Variants in FBXL7 observed in about 807,000 individuals in gnomAD.
FBXL7 encodes the protein F-box and leucine rich repeat protein 7.
A neutral mutation model predicts 38.3 loss-of-function variants in FBXL7; 12 were observed. That is an observed-to-expected ratio of 0.31 (90% CI 0.20 to 0.51). The LOEUF is 0.51. FBXL7 is among the 20% of genes least tolerant of loss of function. The pLI, the probability that FBXL7 is intolerant of heterozygous loss-of-function variation, is 0.98. For missense variants in FBXL7, 567 were observed against 676.4 expected (o/e 0.84, Z 1.79); for synonymous variants, 297 against 300.9 (o/e 0.99, Z 0.13).
chr5:15,665,878 T>C (rs1390221497), intron 2 of FBXL7, among the ~76,000 whole-genome samples: 1 of 152,208 alleles, frequency 6.6e-6, no homozygotes, highest in Admixed American at 6.5e-5. Flanking sequence ...AGCAAAGTTT[T>C]ATATCATTTT....
intron 2 of FBXL7, among the ~76,000 whole-genome samples, chr5:15,648,004 T>C (rs1461474295): frequency 1.3e-5 from 2 of 152,216 alleles, no homozygotes; most frequent in Non-Finnish European, 2.9e-5. Flanking sequence ...AGAATGCCCG[T>C]GTCTAATGAC....
intron 2 of FBXL7, among the ~76,000 whole-genome samples, chr5:15,649,159 G>A (rs777571816): frequency 9.9e-5 from 15 of 152,030 alleles, no homozygotes; most frequent in Non-Finnish European, 1.8e-4. Context: ...ACCACACCCA[G>A]CTAACTTTTA....
intron 2 of FBXL7, among the ~76,000 whole-genome samples, chr5:15,914,581 TAC>T (rs1741532982): frequency 6.6e-6 from 1 of 152,154 alleles, no homozygotes; most frequent in East Asian, 1.9e-4. Context: ...TAAGTGTATG[TAC>T]TAGCTAAGCC....
chr5:15,620,399 A>ATTTT (rs1278504178), intron 2 of FBXL7, among the ~76,000 whole-genome samples: 7 of 133,414 alleles, frequency 5.2e-5, no homozygotes, highest in African/African-American at 2.1e-4. Flanking sequence ...CGCCCAGCTA[A>ATTTT]TTTTTTGTTT....
intron 2 of FBXL7, among the ~76,000 whole-genome samples, chr5:15,630,957 TTAAAAAA>T (rs1331879812): frequency 1.6e-4 from 24 of 152,286 alleles, no homozygotes; most frequent in African/African-American, 5.5e-4. Flanking sequence ...GAGGAGTAAA[TTAAAAAA>T]TTATTTCCAG....
At chr5:15,771,692 G>T (rs559439312) in intron 2 of FBXL7, among the ~76,000 whole-genome samples, 3 of 151,530 alleles carry the variant, frequency 2.0e-5, no homozygotes, top group Non-Finnish European at 2.9e-5. Context: ...AAAAATGTTT[G>T]CTACCTCTTT....
intron 1 of FBXL7, among the ~76,000 whole-genome samples, chr5:15,503,108 C>T (rs1052790955): frequency 6.6e-6 from 1 of 152,132 alleles, no homozygotes; most frequent in Admixed American, 6.5e-5. Context: ...GATTGAAAAC[C>T]TTAGGCTTAT....
At chr5:15,578,129 C>A (rs1293994277) in intron 1 of FBXL7, among the ~76,000 whole-genome samples, 2 of 152,246 alleles carry the variant, frequency 1.3e-5, no homozygotes, top group African/African-American at 2.4e-5. Context: ...CTGGCCATCA[C>A]CCATAACATA....
intron 2 of FBXL7, among the ~76,000 whole-genome samples, chr5:15,687,234 A>G (rs1336981273): frequency 6.6e-6 from 1 of 152,264 alleles, no homozygotes; most frequent in African/African-American, 2.4e-5. Context: ...ATCGTCAGAA[A>G]TCCACATGGC....
chr5:15,550,045 T>C lies in FBXL7; in HGVS notation c.37+49332T>C, dbSNP rs79471401. On this transcript the variant is annotated intron_variant, in intron 1 of 3. Coordinates refer to ENST00000504595, the MANE Select transcript of FBXL7 (RefSeq NM_012304.5). ...AACTTCTGTACAAAAAGGCTTTAGA[T>C]AGTATGTTGCTGAAGACCTCTTGTG... Among the ~76,000 whole-genome samples, 907 of 152,254 alleles carry C rather than the reference T, an allele frequency of 6.0e-3. 9 individuals carry two copies. Among genetic ancestry groups the C allele is most frequent in the African/African-American group, 0.02 (843 of 41,546 alleles).
At chr5:15,686,641 A>G (rs925116197) in intron 2 of FBXL7, among the ~76,000 whole-genome samples, 2 of 152,208 alleles carry the variant, frequency 1.3e-5, no homozygotes, top group African/African-American at 4.8e-5. Context: ...GACTTAAAAC[A>G]TACATAATTA....
intron 2 of FBXL7, among the ~76,000 whole-genome samples, chr5:15,784,758 C>T (rs768839338): frequency 1.2e-4 from 19 of 152,136 alleles, no homozygotes; most frequent in Non-Finnish European, 1.8e-4. Flanking sequence ...TCCTAGAAGC[C>T]GAGCAGATGC....
At chr5:15,935,867 G>C (rs1002266959) in intron 3 of FBXL7, among the ~76,000 whole-genome samples, 3 of 152,214 alleles carry the variant, frequency 2.0e-5, no homozygotes, top group Admixed American at 6.5e-5. Flanking sequence ...ATAAAGGACA[G>C]TTCTGAGAAG....
At chr5:15,620,747 C>T (rs1279358789) in intron 2 of FBXL7, among the ~76,000 whole-genome samples, 2 of 152,180 alleles carry the variant, frequency 1.3e-5, no homozygotes, top group African/African-American at 2.4e-5. Flanking sequence ...CCCAGCCTGG[C>T]ACGTGGTGCC....
At chr5:15,881,660 C>G (rs1740457993) in intron 2 of FBXL7, among the ~76,000 whole-genome samples, 1 of 152,082 alleles carries the variant, frequency 6.6e-6, no homozygotes, top group Non-Finnish European at 1.5e-5. Flanking sequence ...TGAAAGTGTT[C>G]CCTTTTCTCT....
At chr5:15,526,114 C>T (rs73751966) in intron 1 of FBXL7, among the ~76,000 whole-genome samples, 3,732 of 152,048 alleles carry the variant, frequency 0.025, 153 homozygotes, top group African/African-American at 0.085. Context: ...GGGACTTCTG[C>T]GAGGGGAGCC....
chr5:15,614,611 C>T (rs1740382220), intron 1 of FBXL7, among the ~76,000 whole-genome samples: 2 of 152,208 alleles, frequency 1.3e-5, no homozygotes, highest in African/African-American at 4.8e-5. Context: ...TTACCACACA[C>T]TTAGCAGCTT....
chr5:15,523,039 C>T (rs529790492), intron 1 of FBXL7, among the ~76,000 whole-genome samples: 22 of 152,288 alleles, frequency 1.4e-4, no homozygotes, highest in Non-Finnish European at 3.2e-4. Flanking sequence ...TTTGCATTCT[C>T]CAGGACACTG....
intron 2 of FBXL7, among the ~76,000 whole-genome samples, chr5:15,644,540 G>A (rs1157533639): frequency 9.2e-6 from 1 of 108,702 alleles, no homozygotes; most frequent in Non-Finnish European, 1.9e-5. Context: ...TGGGGGGACA[G>A]AGAGAGAGAG....
Sources: allele counts gnomAD v4.1 joint callset (sites outside exome capture counted in the v4.1 genomes callset), GRCh38; gene constraint gnomAD v4.1.1; transcripts MANE v1.5; gene names NCBI Gene and HGNC (gene_info 2026-07-23, HGNC 2026-07-21).